Variants in TTC14 observed in about 807,000 individuals in gnomAD.
The protein encoded by TTC14 is tetratricopeptide repeat domain 14.
Under a neutral mutation model 79.9 loss-of-function variants are expected in TTC14, and 63 were observed. The ratio of observed to expected loss-of-function variants is 0.79; its 90% confidence interval spans 0.64 to 0.97. TTC14 has a LOEUF of 0.97. Ranked by LOEUF, TTC14 falls within the 50% of genes least tolerant of loss-of-function variation. The pLI is 0.00. For missense variants in TTC14, 895 were observed against 894.0 expected (o/e 1.00, Z -0.01); for synonymous variants, 335 against 309.6 (o/e 1.08, Z -0.86).
chr3:180,615,313 C>T (rs1461385110), downstream of TTC14, among the ~76,000 whole-genome samples: 1 of 151,966 alleles, frequency 6.6e-6, no homozygotes, highest in Non-Finnish European at 1.5e-5. Flanking sequence ...AAGTATGTTC[C>T]TACATGGTAA....
downstream of TTC14, among the ~76,000 whole-genome samples, chr3:180,613,168 C>T (rs988081934): frequency 2.6e-5 from 4 of 152,178 alleles, no homozygotes; most frequent in African/African-American, 9.7e-5. Context: ...AGTATACAAA[C>T]CAATTTCTAA....
chr3:180,610,267 AAGTC>A lies in TTC14; in HGVS notation c.2042_2045del (p.Ser681LeufsTer24). 3 of 1,613,862 alleles carry A rather than the reference AAGTC, an allele frequency of 1.9e-6. No individual in the cohort carries two copies. The highest frequency in any genetic ancestry group is 2.5e-6 in the Non-Finnish European group (3 of 1,179,904). ...ACCAGCAAGCTCAGAATACTCTTGG[AAGTC>A]AGTTGAGAAATACAAAAAATACGCT... On this transcript the variant is annotated frameshift_variant, in exon 12 of 12. Transcript: ENST00000296015. LOFTEE classifies it high-confidence loss of function.
intron 10 of TTC14, chr3:180,608,025 TCA>T: frequency 8.7e-7 from 1 of 1,153,566 alleles, no homozygotes; most frequent in Non-Finnish European, 1.1e-6. Flanking sequence ...TATAGGGAGC[TCA>T]CCTGGTGGTT....
chr3:180,616,585 A>T, intron 12 of TTC14: 1 of 1,602,256 alleles, frequency 6.2e-7, no homozygotes, highest in East Asian at 2.2e-5. Context: ...CTAACATTTC[A>T]TCAATAACTT....
intron 11 of TTC14, chr3:180,609,390 G>A: frequency 8.4e-7 from 1 of 1,190,424 alleles, no homozygotes; most frequent in Non-Finnish European, 1.0e-6. Flanking sequence ...AGGTAGTGTT[G>A]AAAAAAGTCT....
intron 11 of TTC14, chr3:180,609,250 G>T: frequency 4.5e-6 from 1 of 223,970 alleles, no homozygotes; most frequent in Non-Finnish European, 7.6e-6. Flanking sequence ...GCTCCCACCC[G>T]CACCCCCACC....
Position 180,604,206 on chromosome 3 carries a change from A to C in TTC14, c.487-19A>C. The C allele has an allele frequency of 6.2e-7, 1 of 1,603,698 alleles. No individual in the cohort carries two copies. The highest frequency in any genetic ancestry group is 8.5e-7 in the Non-Finnish European group (1 of 1,172,290). On this transcript the variant is annotated intron_variant, in intron 3 of 11. Transcript: ENST00000296015. The stretch of plus-strand genomic sequence containing the variant: ...CAAAGCTTGAAATGTCTGGTGTTTT[A>C]AAATACTTCTCATTACAGGCTCTTT...
In TTC14 at chr3:180,610,599, G is replaced by GTAT. The variant is rs1376245283; in HGVS notation, c.*60_*62dup. On this transcript the variant is annotated 3_prime_UTR_variant, in exon 12 of 12. Coordinates refer to ENST00000296015, the MANE Select transcript of TTC14 (RefSeq NM_133462.4). ...ATGCCATTAAGTGAAGTTTTTGGTT[G>GTAT]TATTAGTCATAACAGTTGAGTGCAG... 6.6e-7 allele frequency: 1 copy of GTAT among 1,515,950 alleles called. No individual in the cohort carries two copies. The highest frequency in any genetic ancestry group is 8.8e-7 in the Non-Finnish European group (1 of 1,139,716). The allele number at this position is 1,515,950 out of a possible 1,614,324, so 93.9% of individuals were successfully genotyped here. A position where few individuals can be genotyped will look rare whatever the true frequency, so the allele number is the denominator to read the frequency against.
At chr3:180,616,504 G>A (rs938853102) in intron 12 of TTC14, 1 of 1,521,688 alleles carries the variant, frequency 6.6e-7, no homozygotes, top group East Asian at 2.3e-5. Flanking sequence ...TTAATAGAAG[G>A]TGCTGTATTA....
In TTC14 at chr3:180,609,924, G is replaced by T. The variant is rs757531481; in HGVS notation, c.1695G>T (p.Gln565His). Residue 565 changes from glutamine (Q) to histidine (H), a missense_variant, in exon 12 of 12, where the codon CAG becomes CAT. Transcript: ENST00000296015. ...TACTGGGGAAGCAGGATAGGTTACA[G>T]TATGAAAAGACACAGATAAAAGAGA... is the stretch of plus-strand genomic sequence containing the variant. Reference protein sequence around the residue: ...EKLLGKQDRLQYEKTQIKEKD... With the variant: ...EKLLGKQDRLHYEKTQIKEKD... The T allele has an allele frequency of 1.2e-6, 2 of 1,613,938 alleles. No individual in the cohort carries two copies. Among genetic ancestry groups the T allele is most frequent in the African/African-American group, 2.7e-5 (2 of 74,928 alleles).
downstream of TTC14, chr3:180,614,730 TATTA>T: frequency 1.9e-6 from 1 of 514,382 alleles, no homozygotes; most frequent in South Asian, 2.9e-5. Context: ...AAGAATCTGC[TATTA>T]ATTTCTTCAG....
In TTC14 at chr3:180,608,761, A is replaced by G. The variant is rs1377864576; in HGVS notation, c.1351A>G (p.Ile451Val). Residue 451 changes from isoleucine (I) to valine (V), a missense_variant, in exon 11 of 12, where the codon ATA becomes GTA. Transcript: ENST00000296015. ...EKEEKQKTKK[I>V]ETSAEKLRKL... Reference sequence around the variant, plus strand: ...GGAAGAAAAGCAGAAAACAAAGAAAATAGAAACAAGTGCAGAAAAGTTGCG... The same window carrying G: ...GGAAGAAAAGCAGAAAACAAAGAAAGTAGAAACAAGTGCAGAAAAGTTGCG... 6.4e-7 allele frequency: 1 copy of G among 1,564,858 alleles called. No individual in the cohort carries two copies. The highest frequency in any genetic ancestry group is 8.6e-7 in the Non-Finnish European group (1 of 1,159,204).
At position 180,604,953 on chromosome 3, in the gene TTC14, A is replaced by G. The variant is rs111327505; in HGVS notation, c.803A>G (p.Glu268Gly). The change falls in exon 6 of 12, where the codon GAA (glutamate) becomes GGA (glycine). Residue 268 changes from glutamate to glycine, a missense_variant. Coordinates refer to ENST00000296015, the MANE Select transcript of TTC14 (RefSeq NM_133462.4). ...VNPGVVEFLL[E>G]KLGIDESNPP... ...CCAGGAGTAGTTGAATTCCTTCTAG[A>G]AAAACTAGGAATAGATGAATCTAAT... is the stretch of plus-strand genomic sequence containing the variant. 6.3e-5 allele frequency: 101 copies of G among 1,614,074 alleles called. 1 individual carries two copies. The African/African-American group carries it at 6.3e-4, about 10-fold the overall frequency.
chr3:180,610,748 T>C lies in TTC14; in HGVS notation c.*206T>C. On this transcript the variant is annotated 3_prime_UTR_variant, in exon 12 of 12. Transcript: ENST00000296015. ...CAGCTTGGTTTTTAGACTTTTTATG[T>C]ATATGTTTATGTACAGTATATTACT... 7.9e-7 allele frequency: 1 copy of C among 1,267,500 alleles called. No homozygotes were observed. The highest frequency in any genetic ancestry group is 1.0e-6 in the Non-Finnish European group (1 of 1,004,018). 78.5% of individuals were successfully genotyped at this position (1,267,500 alleles called of 1,614,324 possible).
At chr3:180,608,008 A>G (rs905562692) in intron 10 of TTC14, 2 of 1,233,274 alleles carry the variant, frequency 1.6e-6, no homozygotes, top group Non-Finnish European at 2.0e-6. Flanking sequence ...GTTTTGAGAA[A>G]TGTCCTTATA....
chr3:180,610,137 T>C lies in TTC14; in HGVS notation c.1908T>C (p.Asn636=). The C allele has an allele frequency of 6.2e-7, 1 of 1,612,826 alleles. No individual in the cohort carries two copies. Among genetic ancestry groups the C allele is most frequent in the Middle Eastern group, 1.7e-4 (1 of 6,046 alleles). ...RRNSSDSFCR[N]SEDKIYGYRR... ...ATTCCTCAGATTCCTTCTGTAGGAA[T>C]TCAGAGGACAAGATTTATGGTTATA... The change falls in exon 12 of 12, where the codon AAT becomes AAC. Residue 636 remains asparagine (N), a synonymous_variant. Transcript: ENST00000296015.
chr3:180,613,917 T>C (rs920327541), downstream of TTC14: 34 of 441,182 alleles, frequency 7.7e-5, 1 homozygote, highest in Middle Eastern at 3.4e-4. Context: ...ACTACTGCTT[T>C]TCAGAAAGAA....
intron 12 of TTC14, among the ~76,000 whole-genome samples, chr3:180,617,180 G>GT (rs1408412584): frequency 6.6e-6 from 1 of 152,028 alleles, no homozygotes; most frequent in African/African-American, 2.4e-5. Context: ...AAAAATTCCT[G>GT]TTACCTAGCG....
rs1168523686 is a variant in TTC14 at position 180,603,246 on chromosome 3, C to T, written c.409C>T (p.Arg137Trp). The T allele has an allele frequency of 4.3e-6, 7 of 1,613,834 alleles. No homozygotes were observed. Among genetic ancestry groups the T allele is most frequent in the Middle Eastern group, 1.7e-4 (1 of 6,058 alleles). Residue 137 changes from arginine (R) to tryptophan (W), a missense_variant, in exon 3 of 12, where the codon CGG (arginine) becomes TGG (tryptophan). Coordinates refer to ENST00000296015, the MANE Select transcript of TTC14 (RefSeq NM_133462.4). ...AGTGATTGGAAGAATTAGTTCTATT[C>T]GGGAATTCGGTTTTTTCATGGTGTT... ...DIVIGRISSI[R>W]EFGFFMVLIC...
Sources: allele counts gnomAD v4.1 joint callset (sites outside exome capture counted in the v4.1 genomes callset), GRCh38; gene constraint gnomAD v4.1.1; transcripts MANE v1.5; gene names NCBI Gene and HGNC (gene_info 2026-07-23, HGNC 2026-07-21).